The following WDR62 variants were observed in gnomAD, a reference collection of about 807,000 sequenced individuals.
WDR62 encodes WD repeat domain 62.
WDR62 carries 112 observed loss-of-function variants against 160.6 expected under a neutral mutation model. The observed-to-expected ratio is 0.70, with a 90% CI of 0.60 to 0.82. The LOEUF is 0.82. Among genes scored for constraint, WDR62 ranks in the 40% least tolerant of loss-of-function variants. The probability of loss-of-function intolerance (pLI) is 0.00; values close to 1 mark genes in which losing one functional copy is unlikely to be tolerated. For synonymous variants in WDR62, 792 were observed against 815.1 expected, an observed-to-expected ratio of 0.97 and a Z score of 0.48; for missense variants, 1,819 against 1,983.8, an observed-to-expected ratio of 0.92 and a Z score of 1.58.
chr19:36,063,553 T>TGTTAAAGTG (rs1970781302), intron 3 of WDR62, among the ~76,000 whole-genome samples: 1 of 152,170 alleles, frequency 6.6e-6, no homozygotes, highest in African/African-American at 2.4e-5. Flanking sequence ...ACCCGGCCAA[T>TGTTAAAGTG]CTTGACACTG....
At position 36,103,387 on chromosome 19, in the gene WDR62, G is replaced by A. The variant is rs587784557; in HGVS notation, c.3559G>A (p.Val1187Met). The change falls in exon 30 of 32, where the codon GTG (valine) becomes ATG (methionine). Residue 1187 changes from valine to methionine, a missense_variant. Around this residue, in one of 3 missense-constraint regions of WDR62, gnomAD observed 770 missense variants for 734.2 expected, o/e 1.05. Transcript: ENST00000401500. ...GGCGTCCTGTGTCCCTGCTTCCTCC[G>A]TGCTGCCCACAGACAGGAATCTCCC... is the stretch of plus-strand genomic sequence containing the variant. Reference protein sequence around the residue: ...SLASCVPASSVLPTDRNLPTP... With the variant: ...SLASCVPASSMLPTDRNLPTP... 2.4e-5 allele frequency: 39 copies of A among 1,613,510 alleles called. No homozygotes were observed. Among genetic ancestry groups the A allele is most frequent in the East Asian group, 6.7e-5 (3 of 44,826 alleles).
chr19:36,059,866 C>CGAGG lies in WDR62; in HGVS notation c.270-98_270-95dup, dbSNP rs2145527297. On this transcript the variant is annotated intron_variant, in intron 2 of 31. Transcript: ENST00000401500. Reference sequence around the variant, plus strand: ...GGAGGAGGAGGAGACCAGAGAGAACCGAGGGAGCTTGTTTATTTGTGGGCT... The same window carrying CGAGG: ...GGAGGAGGAGGAGACCAGAGAGAACCGAGGGAGGGAGCTTGTTTATTTGTGGGCT... 4.0e-6 allele frequency: 5 copies of CGAGG among 1,250,810 alleles called. No homozygotes were observed. In the South Asian group the frequency reaches 6.0e-5, roughly 15 times the overall value. The allele number at this position is 1,250,810 out of a possible 1,614,324, so 77.5% of individuals were successfully genotyped here. A position where few individuals can be genotyped will look rare whatever the true frequency, so the allele number is the denominator to read the frequency against.
intron 26 of WDR62, 191 bp from the exon 27 acceptor site, chr19:36,102,546 C>G (rs142523079): frequency 0.021 from 12,985 of 619,390 alleles, 758 homozygotes; most frequent in South Asian, 0.12. Context: ...CAGGCGTGAG[C>G]CACCGTGCCC....
chr19:36,084,370 G>C (rs557013002), intron 11 of WDR62, among the ~76,000 whole-genome samples: 1 of 152,094 alleles, frequency 6.6e-6, no homozygotes, highest in Non-Finnish European at 1.5e-5. Context: ...GCAGCCCTAC[G>C]TAAACACCTG....
At chr19:36,105,909 G>A (rs1042387849), downstream of WDR62, among the ~76,000 whole-genome samples, 3 of 151,248 alleles carry the variant, frequency 2.0e-5, no homozygotes, top group African/African-American at 7.3e-5. Flanking sequence ...ATGTTGGCCA[G>A]GCTGGTCTCA....
chr19:36,084,605 A>G, intron 11 of WDR62, 48 bp from the exon 12 acceptor site: 10 of 1,579,828 alleles, frequency 6.3e-6, no homozygotes, highest in Non-Finnish European at 8.7e-6. Flanking sequence ...GTGGTAGAGC[A>G]CATGGGGCTG....
chr19:36,066,136 G>A (rs1568328646), intron 4 of WDR62, 121 bp downstream of exon 4: 3 of 1,577,750 alleles, frequency 1.9e-6, no homozygotes, highest in Non-Finnish European at 1.7e-6. Flanking sequence ...GAACAGCCCT[G>A]TAGCAGATGG....
chr19:36,055,708 T>G (rs1970327267), intron 1 of WDR62, among the ~76,000 whole-genome samples: 1 of 152,204 alleles, frequency 6.6e-6, no homozygotes, highest in Non-Finnish European at 1.5e-5. Flanking sequence ...CAGTGCTGCC[T>G]GGGGAGGAGG....
intron 7 of WDR62, among the ~76,000 whole-genome samples, chr19:36,068,368 AT>A (rs1439658191): frequency 1.3e-5 from 2 of 150,786 alleles, no homozygotes; most frequent in South Asian, 2.1e-4. Context: ...TAATTAATTT[AT>A]TTTTTTTTAT....
intron 29 of WDR62, 35 bp downstream of exon 29, chr19:36,103,242 T>C: frequency 6.2e-7 from 1 of 1,612,384 alleles, no homozygotes; most frequent in Non-Finnish European, 8.5e-7. Flanking sequence ...CAGTCCTGGG[T>C]TTCTCGGCGA....
chr19:36,056,248 A>T (rs1005675644), intron 1 of WDR62, among the ~76,000 whole-genome samples: 19 of 152,186 alleles, frequency 1.2e-4, no homozygotes, highest in African/African-American at 4.6e-4. Context: ...CGGAGTCCAG[A>T]TAAAGGGAGG....
rs1568369181 is a variant in WDR62 at position 36,102,144 on chromosome 19, C to T, written c.3213C>T (p.Pro1071=). Residue 1071 remains proline (P), a synonymous_variant, in exon 26 of 32, where the codon CCC becomes CCT. Transcript: ENST00000401500. ...RHHFETLTES[P]CRELFPAALG... ...ACTTTGAGACACTGACTGAGTCCCCCTGCAGAGGTAGGGCCCTGCCTCACC... is the reference window on the plus strand; with the variant it reads ...ACTTTGAGACACTGACTGAGTCCCCTTGCAGAGGTAGGGCCCTGCCTCACC... 4 of 1,613,858 alleles carry T rather than the reference C, an allele frequency of 2.5e-6. No homozygotes were observed. Among genetic ancestry groups the T allele is most frequent in the Non-Finnish European group, 1.7e-6 (2 of 1,180,044 alleles).
chr19:36,067,714 T>C, intron 6 of WDR62, 114 bp from the exon 7 acceptor site: 2 of 1,268,492 alleles, frequency 1.6e-6, no homozygotes, highest in Non-Finnish European at 2.2e-6. Context: ...TTTTCTTCCC[T>C]TCTCCATTTG....
intron 10 of WDR62, 43 bp from the exon 11 acceptor site, chr19:36,083,020 T>C (rs1445850310): frequency 6.3e-7 from 1 of 1,583,856 alleles, no homozygotes; most frequent in South Asian, 1.1e-5. Flanking sequence ...TCAGAGGTGC[T>C]TCTGAGCTGC....
Position 36,055,115 on chromosome 19 carries a change from C to G in WDR62, c.144C>G (p.Leu48=), listed in dbSNP as rs1250696768. ...PPICLRRRTR[L]STASEETVQN... Reference sequence around the variant, plus strand: ...TCTGCCTACGGCGGCGGACGCGACTCTCGACGGCCTCCGAGGAGACGGTGC... The same window carrying G: ...TCTGCCTACGGCGGCGGACGCGACTGTCGACGGCCTCCGAGGAGACGGTGC... The change falls in exon 1 of 32, where the codon CTC becomes CTG. Residue 48 remains leucine, a synonymous_variant. Coordinates refer to ENST00000401500, the MANE Select transcript of WDR62 (RefSeq NM_001083961.2). The G allele has an allele frequency of 6.2e-7, 1 of 1,607,472 alleles. No individual in the cohort carries two copies. The highest frequency in any genetic ancestry group is 1.3e-5 in the African/African-American group (1 of 74,878).
chr19:36,100,968 G>T (rs1973293741), intron 23 of WDR62, 93 bp downstream of exon 23: 10 of 1,591,240 alleles, frequency 6.3e-6, no homozygotes, highest in Non-Finnish European at 7.7e-6. Context: ...TTCCCAGTGG[G>T]CTTGTGGGAG....
chr19:36,070,427 C>G (rs1030882620), intron 7 of WDR62: 1 of 152,098 alleles, frequency 6.6e-6, no homozygotes, highest in Non-Finnish European at 1.5e-5. Context: ...CCACTGCGCC[C>G]GGCCATAAAC....
In WDR62 at chr19:36,101,725, G is replaced by A. The variant is rs118175551; in HGVS notation, c.3033G>A (p.Pro1011=). 2,423 of 1,551,608 alleles carry A rather than the reference G, an allele frequency of 1.6e-3. 57 individuals carry two copies. The East Asian group carries it at 0.051, about 32-fold the overall frequency. ...CSFAAIHSPA[P]PPDPAPRFAT... is the part of the protein sequence containing the mutation. ...TCGCAGCCATCCACTCCCCAGCTCC[G>A]CCTCCTGACCCTGCCCCTCGGTTTG... The change falls in exon 25 of 32, where the codon CCG becomes CCA. Residue 1011 remains proline, a synonymous_variant. Transcript: ENST00000401500.
Position 36,071,443 on chromosome 19 carries a change from C to G in WDR62, c.883-113C>G, listed in dbSNP as rs1432319706. The stretch of plus-strand genomic sequence containing the variant: ...ATATGCTAAAATGGGTGTCTTAGAC[C>G]CAAGGAACTGTAAGTCTTCTCTGGA... On this transcript the variant is annotated intron_variant, in intron 7 of 31. Transcript: ENST00000401500. 1.8e-5 allele frequency: 22 copies of G among 1,250,000 alleles called. No individual in the cohort carries two copies. In the Admixed American group the frequency reaches 3.7e-4, roughly 21 times the overall value. The allele number at this position is 1,250,000 out of a possible 1,614,324, so 77.4% of individuals were successfully genotyped here.
Sources: gnomAD v4.1 joint callset for allele counts (sites outside exome capture counted in the v4.1 genomes callset) on GRCh38, gnomAD v4.1.1 for gene constraint, gnomAD v4.1.1 regional missense constraint, MANE v1.5 for transcripts, NCBI Gene and HGNC (gene_info 2026-07-23, HGNC 2026-07-21) for gene names.